Variants in KHDRBS2 observed in about 807,000 individuals in gnomAD.
KHDRBS2 encodes the protein KH RNA binding domain containing, signal transduction associated 2, also known as KH domain-containing, RNA-binding, signal transduction-associated protein 2.
In KHDRBS2, 26 loss-of-function variants were observed where a neutral mutation model predicts 44.3. That is an observed-to-expected ratio of 0.59 (90% CI 0.43 to 0.81). The LOEUF is 0.81. Ranked by LOEUF, KHDRBS2 falls within the 40% of genes least tolerant of loss-of-function variation. KHDRBS2 has a pLI of 0.00. For synonymous variants in KHDRBS2, 194 were observed against 151.1 expected (o/e 1.28, Z -2.08); for missense variants, 476 against 433.1 (o/e 1.10, Z -0.88).
At chr6:61,574,267 TGGTACCCTAACCGTGCAAA>T in the KHDRBS2 span, 1 of 1,181,714 alleles carries the variant, frequency 8.5e-7, no homozygotes, top group East Asian at 2.6e-5. Flanking sequence ...TTAACGGCCG[TGGTACCCTAACCGTGCAAA>T]GGTAGCATGA....
At chr6:62,233,887 T>C (rs1833278198) in intron 1 of KHDRBS2, among the ~76,000 whole-genome samples, 1 of 152,140 alleles carries the variant, frequency 6.6e-6, no homozygotes, top group African/African-American at 2.4e-5. Context: ...AGTCTACCAT[T>C]GATGGGGATT....
At chr6:61,722,473 T>C (rs1293189152) in intron 7 of KHDRBS2, among the ~76,000 whole-genome samples, 1 of 152,194 alleles carries the variant, frequency 6.6e-6, no homozygotes, top group Non-Finnish European at 1.5e-5. Flanking sequence ...CATTTAGGCA[T>C]CTTCCAGATT....
At chr6:61,914,308 G>A (rs1287542775) in intron 4 of KHDRBS2, among the ~76,000 whole-genome samples, 1 of 152,034 alleles carries the variant, frequency 6.6e-6, no homozygotes, top group Non-Finnish European at 1.5e-5. Flanking sequence ...GAATTGTAGT[G>A]CCATCACTGA....
rs1784287956 is a variant in KHDRBS2 at position 61,789,371 on chromosome 6, A to G, written c.811-56607T>C. On this transcript the variant is annotated intron_variant, in intron 6 of 8. Coordinates refer to ENST00000281156, the MANE Select transcript of KHDRBS2 (RefSeq NM_152688.4). ...AGTTATTAGAATAATTGGTAGTAAA[A>G]GCAAAAATCAATATTATGTAATAGA... 2.6e-5 allele frequency among the ~76,000 whole-genome samples: 4 copies of G among 151,656 alleles called. 1 individual carries two copies. Among genetic ancestry groups the G allele is most frequent in the Admixed American group, 1.3e-4 (2 of 15,156 alleles).
chr6:62,142,837 A>G (rs1228675907), intron 2 of KHDRBS2, among the ~76,000 whole-genome samples: 1 of 151,200 alleles, frequency 6.6e-6, no homozygotes, highest in Admixed American at 6.6e-5. Context: ...ATATTGAGAA[A>G]GAAAAAATAT....
chr6:62,015,815 T>C (rs928210910), intron 3 of KHDRBS2, among the ~76,000 whole-genome samples: 1 of 152,228 alleles, frequency 6.6e-6, no homozygotes, highest in African/African-American at 2.4e-5. Flanking sequence ...GATTTCATGT[T>C]ATTTCTGCAT....
chr6:62,084,416 GAAT>G (rs1358729002), intron 2 of KHDRBS2, among the ~76,000 whole-genome samples: 1 of 152,100 alleles, frequency 6.6e-6, no homozygotes. Flanking sequence ...TTTCTGAGTG[GAAT>G]AAAGAAGAGC....
chr6:62,018,786 T>C (rs1206702631), intron 3 of KHDRBS2, among the ~76,000 whole-genome samples: 1 of 152,206 alleles, frequency 6.6e-6, no homozygotes, highest in East Asian at 1.9e-4. Flanking sequence ...AATATTTTTA[T>C]ATCATTTACT....
intron 3 of KHDRBS2, among the ~76,000 whole-genome samples, chr6:62,021,433 G>C (rs1782286533): frequency 2.0e-5 from 3 of 151,776 alleles, no homozygotes. Context: ...AAATAAAAAT[G>C]TGTGTTTCTT....
chr6:61,655,196 T>C, the KHDRBS2 span, among the ~76,000 whole-genome samples: 1 of 150,764 alleles, frequency 6.6e-6, no homozygotes, highest in East Asian at 2.0e-4. Flanking sequence ...AAACACTAGG[T>C]TCTTAGAACG....
intron 2 of KHDRBS2, among the ~76,000 whole-genome samples, chr6:62,146,813 T>C (rs767153155): frequency 2.0e-5 from 3 of 151,796 alleles, no homozygotes; most frequent in Non-Finnish European, 4.4e-5. Flanking sequence ...GCTATACATC[T>C]ATGGCAAGGC....
At chr6:61,622,270 G>A in the KHDRBS2 span, among the ~76,000 whole-genome samples, 1 of 152,144 alleles carries the variant, frequency 6.6e-6, no homozygotes, top group South Asian at 2.1e-4. Context: ...ACACTATGAA[G>A]TTCTCTCCTC....
chr6:61,828,763 CAT>C (rs1196564016), intron 6 of KHDRBS2, among the ~76,000 whole-genome samples: 1 of 152,138 alleles, frequency 6.6e-6, no homozygotes, highest in Non-Finnish European at 1.5e-5. Context: ...TTACACTGAC[CAT>C]CATAAGACCT....
intron 2 of KHDRBS2, among the ~76,000 whole-genome samples, chr6:62,166,616 C>A (rs1002035298): frequency 2.0e-5 from 3 of 152,026 alleles, no homozygotes; most frequent in African/African-American, 4.8e-5. Context: ...TTAATTTTTA[C>A]TTCCTTATTG....
chr6:61,766,554 G>T (rs1228887909), intron 6 of KHDRBS2, among the ~76,000 whole-genome samples: 1 of 151,770 alleles, frequency 6.6e-6, no homozygotes, highest in Admixed American at 6.6e-5. Context: ...CATTGTGAGG[G>T]TGCTTATTTG....
chr6:61,934,249 A>G (rs544596436), intron 4 of KHDRBS2, among the ~76,000 whole-genome samples: 1 of 152,034 alleles, frequency 6.6e-6, no homozygotes, highest in Non-Finnish European at 1.5e-5. Flanking sequence ...TTTCTTCTGT[A>G]GCTTGTCTCT....
intron 6 of KHDRBS2, among the ~76,000 whole-genome samples, chr6:61,808,844 TTTC>T (rs1341478836): frequency 1.3e-5 from 2 of 152,046 alleles, no homozygotes; most frequent in Admixed American, 6.6e-5. Context: ...TCTTTTTTTC[TTTC>T]TTGATTTTTA....
At chr6:62,127,484 T>A (rs1414474696) in intron 2 of KHDRBS2, among the ~76,000 whole-genome samples, 2 of 152,114 alleles carry the variant, frequency 1.3e-5, no homozygotes, top group Non-Finnish European at 2.9e-5. Flanking sequence ...ATCCTTACTT[T>A]AAAATCTCAA....
chr6:62,174,283 A>G (rs934104644), intron 2 of KHDRBS2, among the ~76,000 whole-genome samples: 2 of 151,740 alleles, frequency 1.3e-5, no homozygotes, highest in African/African-American at 2.4e-5. Flanking sequence ...GCTAAGAATC[A>G]TATCAATAAT....
Sources: allele counts gnomAD v4.1 joint callset (sites outside exome capture counted in the v4.1 genomes callset), GRCh38; gene constraint gnomAD v4.1.1; transcripts MANE v1.5; gene names NCBI Gene and HGNC (gene_info 2026-07-23, HGNC 2026-07-21).